The following PEX14 variants were observed in gnomAD, a reference collection of about 807,000 sequenced individuals.
The protein encoded by PEX14 is peroxisomal biogenesis factor 14, also known as peroxisomal membrane protein PEX14.
In PEX14, 15 loss-of-function variants were observed where a neutral mutation model predicts 49.5. That is an observed-to-expected ratio of 0.30 (90% CI 0.20 to 0.47). The LOEUF (loss-of-function observed/expected upper bound fraction) is 0.47. Ranked by LOEUF, PEX14 falls within the 20% of genes least tolerant of loss-of-function variation. PEX14 has a pLI of 1.00. For synonymous variants in PEX14, 210 were observed against 212.7 expected, an observed-to-expected ratio of 0.99 and a Z score of 0.11; for missense variants, 398 against 494.8, an observed-to-expected ratio of 0.80 and a Z score of 1.86.
At chr1:10,483,377 T>C (rs1219710078) in intron 1 of PEX14, among the ~76,000 whole-genome samples, 1 of 151,856 alleles carries the variant, frequency 6.6e-6, no homozygotes, top group African/African-American at 2.4e-5. Flanking sequence ...AGTGCAGTGG[T>C]ATGATCTCGG....
intron 3 of PEX14, among the ~76,000 whole-genome samples, chr1:10,570,839 G>A (rs965440454): frequency 2.1e-5 from 3 of 144,258 alleles, no homozygotes; most frequent in Non-Finnish European, 4.5e-5. Flanking sequence ...TAGAGAAAAT[G>A]TCAACAGGGT....
intron 4 of PEX14, 150 bp downstream of exon 4, chr1:10,599,516 AC>A: frequency 1.1e-6 from 1 of 870,552 alleles, no homozygotes; most frequent in East Asian, 2.5e-5. Context: ...AATGTGACAC[AC>A]CCCAGTCTTC....
At chr1:10,563,556 C>T (rs1156331363) in intron 3 of PEX14, among the ~76,000 whole-genome samples, 1 of 151,980 alleles carries the variant, frequency 6.6e-6, no homozygotes, top group East Asian at 1.9e-4. Context: ...ACCCGGGAGG[C>T]GGAGGTTGCT....
At chr1:10,518,143 C>T (rs186932726) in intron 2 of PEX14, among the ~76,000 whole-genome samples, 1 of 151,868 alleles carries the variant, frequency 6.6e-6, no homozygotes, top group Non-Finnish European at 1.5e-5. Context: ...TCGCTCTCCT[C>T]TCCTTAAAAA....
chr1:10,630,363 G>T lies in PEX14; in HGVS notation c.*376G>T, dbSNP rs1018355621. 3.4e-6 allele frequency: 1 copy of T among 295,994 alleles called. No individual in the cohort carries two copies. The highest frequency in any genetic ancestry group is 4.6e-5 in the Admixed American group (1 of 21,932). The allele number at this position is 295,994 out of a possible 1,614,324, so 18.3% of individuals were successfully genotyped here. ...ACTACCGTGACACCACGCATGGCCA[G>T]AGCTAGCGTCCCTACTGCCTCCCGA... On this transcript the variant is annotated 3_prime_UTR_variant, in exon 9 of 9. Transcript: ENST00000356607. This position sits in a 1 kb window ranked among gnomAD's most constrained non-coding sequence, Gnocchi z 4.1.
intron 2 of PEX14, among the ~76,000 whole-genome samples, chr1:10,516,149 A>G (rs1264566608): frequency 1.3e-5 from 2 of 152,212 alleles, no homozygotes; most frequent in Admixed American, 1.3e-4. Context: ...AATTTTTGAC[A>G]TCTGCACTGT....
intron 2 of PEX14, among the ~76,000 whole-genome samples, chr1:10,524,831 G>A (rs899182561): frequency 6.6e-6 from 1 of 152,076 alleles, no homozygotes; most frequent in Non-Finnish European, 1.5e-5. Context: ...TAGCTGGAGC[G>A]CCACTACGCC....
intron 3 of PEX14, among the ~76,000 whole-genome samples, chr1:10,598,295 C>G (rs1014608272): frequency 2.0e-5 from 3 of 152,188 alleles, no homozygotes; most frequent in Admixed American, 2.0e-4. Context: ...TGTGACCGCT[C>G]CTTTCATACT....
chr1:10,545,690 T>C (rs1169718967), intron 3 of PEX14, among the ~76,000 whole-genome samples: 2 of 152,252 alleles, frequency 1.3e-5, no homozygotes, highest in Non-Finnish European at 2.9e-5. Context: ...GTACATTGGT[T>C]TCTTTATCTG....
Position 10,627,329 on chromosome 1 carries a change from G to A in PEX14, c.643G>A (p.Glu215Lys), listed in dbSNP as rs1370410030. ...ESQNINELKSEINSLKGLLLN... is the reference protein window; with the variant it reads ...ESQNINELKSKINSLKGLLLN... ...CCAGAATATCAACGAACTCAAGTCCGAAATTAACTCCTTGAAAGGGCTTCT... is the reference window on the plus strand; with the variant it reads ...CCAGAATATCAACGAACTCAAGTCCAAAATTAACTCCTTGAAAGGGCTTCT... Residue 215 changes from glutamate (E) to lysine (K), a missense_variant, in exon 8 of 9, where the codon GAA (glutamate) becomes AAA (lysine). Glu to Lys is a moderately conservative substitution (Grantham distance 56). Transcript: ENST00000356607. 5.0e-6 allele frequency: 8 copies of A among 1,612,974 alleles called. No individual in the cohort carries two copies. Among genetic ancestry groups the A allele is most frequent in the African/African-American group, 1.3e-5 (1 of 74,924 alleles).
At chr1:10,566,579 C>A (rs945345219) in intron 3 of PEX14, among the ~76,000 whole-genome samples, 1 of 152,020 alleles carries the variant, frequency 6.6e-6, no homozygotes, top group Non-Finnish European at 1.5e-5. Context: ...ACCTCCGCCT[C>A]TTGAGTTCAA....
At chr1:10,479,974 A>T (rs1433759333) in intron 1 of PEX14, among the ~76,000 whole-genome samples, 1 of 152,056 alleles carries the variant, frequency 6.6e-6, no homozygotes, top group Admixed American at 6.6e-5. Flanking sequence ...AAACCCCTGT[A>T]CTCCAGCCTG....
rs1366589786 is a variant in PEX14, at chr1:10,495,553, A to G, written c.84+232A>G. Among the ~76,000 whole-genome samples the G allele has an allele frequency of 1.3e-5, 2 of 152,104 alleles. No homozygotes were observed. Among genetic ancestry groups the G allele is most frequent in the Non-Finnish European group, 1.5e-5 (1 of 68,030 alleles). Reference sequence around the variant, plus strand: ...CTAGGACTAAAAGCATCCACCCCAGATGGTCCTGCACCACTTTGTTTGTGG... The same window carrying G: ...CTAGGACTAAAAGCATCCACCCCAGGTGGTCCTGCACCACTTTGTTTGTGG... On this transcript the variant is annotated intron_variant, in intron 2 of 8. Transcript: ENST00000356607. The surrounding 1 kb of genome is among the most constrained non-coding windows in gnomAD (Gnocchi z 4.2).
chr1:10,611,872 G>A (rs1239092955), intron 4 of PEX14, among the ~76,000 whole-genome samples: 2 of 152,136 alleles, frequency 1.3e-5, no homozygotes, highest in Non-Finnish European at 2.9e-5. Flanking sequence ...AGCTCTTTAT[G>A]TATTCTAGTT....
chr1:10,538,588 C>T (rs905023294), intron 3 of PEX14, among the ~76,000 whole-genome samples: 1 of 152,196 alleles, frequency 6.6e-6, no homozygotes, highest in Non-Finnish European at 1.5e-5. Flanking sequence ...AAGGTTTGAT[C>T]GGTGTCTGGG....
rs530377803 is a variant in PEX14 at position 10,624,806 on chromosome 1, C to T, written c.585+369C>T. On this transcript the variant is annotated intron_variant, in intron 7 of 8. Transcript: ENST00000356607. ...CTATAAGTTAGGTTGCAGGTCACAGCATGGCCAGGAGGGGTTCTGGAACAG... is the reference window on the plus strand; with the variant it reads ...CTATAAGTTAGGTTGCAGGTCACAGTATGGCCAGGAGGGGTTCTGGAACAG... 2.0e-5 allele frequency among the ~76,000 whole-genome samples: 3 copies of T among 152,288 alleles called. No homozygotes were observed. In the South Asian group the frequency reaches 6.2e-4, roughly 32 times the overall value.
intron 3 of PEX14, among the ~76,000 whole-genome samples, chr1:10,598,093 C>T (rs1557865597): frequency 6.6e-6 from 1 of 152,224 alleles, no homozygotes; most frequent in African/African-American, 2.4e-5. Flanking sequence ...GAGCTGCCGA[C>T]CAGATGTGGA....
intron 3 of PEX14, among the ~76,000 whole-genome samples, chr1:10,567,033 G>A (rs914107777): frequency 7.9e-5 from 12 of 152,066 alleles, no homozygotes; most frequent in South Asian, 2.1e-4. Flanking sequence ...ACTACTCATC[G>A]CCACTGTGGT....
At chr1:10,571,369 CA>C (rs1453134724) in intron 3 of PEX14, among the ~76,000 whole-genome samples, 4 of 95,672 alleles carry the variant, frequency 4.2e-5, no homozygotes, top group East Asian at 3.3e-4. Flanking sequence ...TGGTATTTAC[CA>C]GGGGGTGGGG....
Sources: gnomAD v4.1 joint callset for allele counts (sites outside exome capture counted in the v4.1 genomes callset) on GRCh38, gnomAD v4.1.1 for gene constraint, Gnocchi (gnomAD v3.1) non-coding constraint, MANE v1.5 for transcripts, NCBI Gene and HGNC (gene_info 2026-07-23, HGNC 2026-07-21) for gene names.